The following AGBL4 variants were observed in gnomAD, a reference collection of about 807,000 sequenced individuals.
AGBL4 encodes the protein AGBL carboxypeptidase 4.
In AGBL4, 58 loss-of-function variants were observed where a neutral mutation model predicts 66.4. The observed-to-expected ratio is 0.87, with a 90% confidence interval of 0.71 to 1.09. The LOEUF (loss-of-function observed/expected upper bound fraction) is 1.09, where lower values mean the gene tolerates loss of function less well. Ranked by LOEUF, AGBL4 falls within the 50% of genes least tolerant of loss-of-function variation. The pLI is 0.00. For synonymous variants in AGBL4, 234 were observed against 222.9 expected (o/e 1.05, Z -0.44); for missense variants, 579 against 631.0 (o/e 0.92, Z 0.88).
chr1:49,588,288 C>G (rs1340658650), intron 3 of AGBL4, among the ~76,000 whole-genome samples: 3 of 152,142 alleles, frequency 2.0e-5, no homozygotes, highest in Admixed American at 2.0e-4. Context: ...TAATTTATAA[C>G]CTCTGTGACA....
At position 50,019,306 on chromosome 1, in the gene AGBL4, T is replaced by TCTCTCTCACACA. The variant is rs1167835143; in HGVS notation, c.34+4456_34+4457insTGTGTGAGAGAG. Among the ~76,000 whole-genome samples, 274 of 48,422 alleles carry TCTCTCTCACACA rather than the reference T, an allele frequency of 5.7e-3. 7 individuals are homozygous for TCTCTCTCACACA. The highest frequency in any genetic ancestry group is 0.03 in the East Asian group (28 of 942). The allele number at this position is 48,422 out of a possible 152,430, so 31.8% of individuals were successfully genotyped here. A position where few individuals can be genotyped will look rare whatever the true frequency, so the allele number is the denominator to read the frequency against. ...CTCTCTCTCTCTCTCTCTCTCTCTC[T>TCTCTCTCACACA]CACACACACACACACACACACACAC... On this transcript the variant is annotated intron_variant, in intron 1 of 13. Coordinates refer to ENST00000371839, the MANE Select transcript of AGBL4 (RefSeq NM_032785.4).
chr1:49,681,148 A>G (rs776674169), intron 3 of AGBL4, among the ~76,000 whole-genome samples: 21 of 152,136 alleles, frequency 1.4e-4, no homozygotes, highest in Non-Finnish European at 2.1e-4. Context: ...AAGAATTTTT[A>G]TGATGGCTGC....
At chr1:49,332,004 C>A (rs1645345279) in intron 3 of AGBL4, among the ~76,000 whole-genome samples, 1 of 152,178 alleles carries the variant, frequency 6.6e-6, no homozygotes, top group Non-Finnish European at 1.5e-5. Context: ...TTTGGAGAGT[C>A]CAAGCTGACC....
chr1:48,722,490 G>A (rs1647167857), intron 6 of AGBL4, among the ~76,000 whole-genome samples: 1 of 131,456 alleles, frequency 7.6e-6, no homozygotes. Flanking sequence ...AGGGGGACTG[G>A]GGTTGGGAGA....
chr1:49,474,847 A>G (rs1352872641), intron 3 of AGBL4, among the ~76,000 whole-genome samples: 1 of 152,038 alleles, frequency 6.6e-6, no homozygotes, highest in Non-Finnish European at 1.5e-5. Flanking sequence ...TTTAAGCTGT[A>G]TCTGCATTAG....
chr1:49,605,044 C>T (rs1645037692), intron 3 of AGBL4, among the ~76,000 whole-genome samples: 2 of 152,082 alleles, frequency 1.3e-5, no homozygotes, highest in Admixed American at 1.3e-4. Context: ...CACAAAAGTC[C>T]TAGGACAAAG....
At chr1:49,217,134 C>T (rs1374119306) in intron 4 of AGBL4, among the ~76,000 whole-genome samples, 1 of 151,956 alleles carries the variant, frequency 6.6e-6, no homozygotes. Context: ...CATCCATACA[C>T]AGAAAACGAA....
intron 3 of AGBL4, among the ~76,000 whole-genome samples, chr1:49,654,012 C>A (rs1023695722): frequency 6.6e-6 from 1 of 152,040 alleles, no homozygotes; most frequent in African/African-American, 2.4e-5. Context: ...AACCCCAAGA[C>A]ACATAATCAT....
At chr1:48,923,594 T>C (rs1654274962) in intron 5 of AGBL4, among the ~76,000 whole-genome samples, 1 of 152,258 alleles carries the variant, frequency 6.6e-6, no homozygotes, top group South Asian at 2.1e-4. Context: ...TCTGGATATA[T>C]GTTTAATGTT....
chr1:49,372,701 T>TTTC (rs1644390357), intron 3 of AGBL4, among the ~76,000 whole-genome samples: 3 of 147,902 alleles, frequency 2.0e-5, no homozygotes, highest in African/African-American at 7.5e-5. Flanking sequence ...CTTTCTTTCT[T>TTTC]TTTCTTTCTC....
chr1:49,762,229 C>T (rs1652378257), intron 2 of AGBL4, among the ~76,000 whole-genome samples: 2 of 152,110 alleles, frequency 1.3e-5, no homozygotes, highest in Non-Finnish European at 2.9e-5. Context: ...TCCACATCCT[C>T]ACTAGCACTT....
chr1:49,478,712 T>G (rs976909667), intron 3 of AGBL4, among the ~76,000 whole-genome samples: 1 of 152,050 alleles, frequency 6.6e-6, no homozygotes, highest in African/African-American at 2.4e-5. Flanking sequence ...ACACTGTAAC[T>G]GTAGAGTGTA....
intron 1 of AGBL4, among the ~76,000 whole-genome samples, chr1:49,932,078 A>G (rs1653420843): frequency 6.6e-6 from 1 of 152,216 alleles, no homozygotes; most frequent in Non-Finnish European, 1.5e-5. Flanking sequence ...AATAAAAAAA[A>G]TCCAAAATCT....
Position 49,509,087 on chromosome 1 carries a change from T to G in AGBL4, c.282+188226A>C, listed in dbSNP as rs894348833. ...GTGGCATACCAAACTGTGTTAGTAT[T>G]CAAATGGGAGAAGACACTTCAGGAT... On this transcript the variant is annotated intron_variant, in intron 3 of 13. Coordinates refer to ENST00000371839, the MANE Select transcript of AGBL4 (RefSeq NM_032785.4). 2.6e-5 allele frequency among the ~76,000 whole-genome samples: 4 copies of G among 151,914 alleles called. No individual in the cohort carries two copies. In the East Asian group the frequency reaches 5.8e-4, roughly 22 times the overall value.
chr1:49,851,647 T>A, intron 1 of AGBL4, 129 bp from the exon 2 acceptor site: 2 of 867,674 alleles, frequency 2.3e-6, no homozygotes, highest in Non-Finnish European at 3.4e-6. Context: ...TAACACCACA[T>A]TGTGGTACAG....
intron 2 of AGBL4, among the ~76,000 whole-genome samples, chr1:49,786,760 C>G (rs1057206263): frequency 3.3e-5 from 5 of 152,114 alleles, no homozygotes; most frequent in African/African-American, 1.2e-4. Context: ...GTTTATCTCC[C>G]TTTTCTCAAA....
At chr1:49,549,016 C>T (rs1652737135) in intron 3 of AGBL4, among the ~76,000 whole-genome samples, 1 of 151,884 alleles carries the variant, frequency 6.6e-6, no homozygotes, top group African/African-American at 2.4e-5. Context: ...TGCATCTTTC[C>T]AGGAATTTAT....
chr1:49,901,611 T>C (rs767860199), intron 1 of AGBL4, among the ~76,000 whole-genome samples: 7 of 152,212 alleles, frequency 4.6e-5, no homozygotes, highest in Admixed American at 1.3e-4. Flanking sequence ...ATGACAATAC[T>C]GACCAAAGCA....
intron 11 of AGBL4, among the ~76,000 whole-genome samples, chr1:48,547,557 C>T (rs919676621): frequency 5.3e-5 from 8 of 152,024 alleles, no homozygotes; most frequent in Admixed American, 1.3e-4. Flanking sequence ...TGGGTTTGAG[C>T]TATGAGACAT....
Sources: gnomAD v4.1 joint callset for allele counts (sites outside exome capture counted in the v4.1 genomes callset) on GRCh38, gnomAD v4.1.1 for gene constraint, MANE v1.5 for transcripts, NCBI Gene and HGNC (gene_info 2026-07-23, HGNC 2026-07-21) for gene names.